The following CCBE1 variants were observed in gnomAD, a reference collection of about 807,000 sequenced individuals.
CCBE1 encodes collagen and calcium binding EGF domains 1.
A neutral mutation model predicts 50.0 loss-of-function variants in CCBE1; 37 were observed. The ratio of observed to expected loss-of-function variants is 0.74; its 90% CI spans 0.57 to 0.97. The LOEUF (loss-of-function observed/expected upper bound fraction) is 0.97, where lower values mean the gene tolerates loss of function less well. Ranked by LOEUF, CCBE1 falls within the 50% of genes least tolerant of loss-of-function variation. The pLI is 0.00. For synonymous variants in CCBE1, 234 were observed against 203.7 expected (o/e 1.15, Z -1.27); for missense variants, 538 against 523.8 (o/e 1.03, Z -0.26).
chr18:59,659,157 C>G (rs533408008), intron 2 of CCBE1, among the ~76,000 whole-genome samples: 1 of 152,314 alleles, frequency 6.6e-6, no homozygotes, highest in East Asian at 1.9e-4. Context: ...TACAAGTACT[C>G]TGACCTCCTT....
intron 3 of CCBE1, among the ~76,000 whole-genome samples, chr18:59,473,864 A>C (rs1912180408): frequency 7.5e-6 from 1 of 132,648 alleles, no homozygotes; most frequent in Admixed American, 8.5e-5. Context: ...TCCCCCGACT[A>C]CTCACCTTCC....
chr18:59,581,781 A>T (rs187052445), intron 2 of CCBE1, among the ~76,000 whole-genome samples: 2 of 152,148 alleles, frequency 1.3e-5, no homozygotes, highest in African/African-American at 4.8e-5. Context: ...CCTGGTATCC[A>T]CCTACTAAAT....
intron 2 of CCBE1, among the ~76,000 whole-genome samples, chr18:59,485,281 G>A (rs569860015): frequency 5.3e-5 from 8 of 152,228 alleles, no homozygotes; most frequent in Admixed American, 3.9e-4. Flanking sequence ...AATAAAAGTC[G>A]TGCAGGCAGA....
intron 10 of CCBE1, 75 bp from the exon 11 acceptor site, chr18:59,436,216 C>A: frequency 7.5e-7 from 1 of 1,324,764 alleles, no homozygotes. Flanking sequence ...ACTTGACCTG[C>A]TGCTTGCTGG....
chr18:59,621,622 C>T (rs1409222642), intron 2 of CCBE1, among the ~76,000 whole-genome samples: 2 of 152,194 alleles, frequency 1.3e-5, no homozygotes, highest in Non-Finnish European at 1.5e-5. Flanking sequence ...CTTCATTTTA[C>T]AGGCGAGCAC....
chr18:59,655,855 C>T (rs960973851), intron 2 of CCBE1, among the ~76,000 whole-genome samples: 7 of 152,214 alleles, frequency 4.6e-5, no homozygotes, highest in Non-Finnish European at 1.0e-4. Context: ...TGCTGCAGCC[C>T]CATCTGAATG....
chr18:59,557,220 C>T (rs893145235), intron 2 of CCBE1, among the ~76,000 whole-genome samples: 2 of 152,208 alleles, frequency 1.3e-5, no homozygotes, highest in Non-Finnish European at 2.9e-5. Context: ...GGGAGACTGG[C>T]ATGGATGCTA....
intron 2 of CCBE1, among the ~76,000 whole-genome samples, chr18:59,519,972 C>T (rs1052511578): frequency 5.3e-5 from 8 of 152,214 alleles, no homozygotes; most frequent in South Asian, 2.1e-4. Context: ...TGTCAAAGAT[C>T]GGATGGTTGT....
chr18:59,566,516 C>T (rs2052830375), intron 2 of CCBE1, among the ~76,000 whole-genome samples: 1 of 152,060 alleles, frequency 6.6e-6, no homozygotes, highest in African/African-American at 2.4e-5. Context: ...TTTAAATCGC[C>T]AGATTTATCC....
rs1459961337 is a variant in CCBE1, at chr18:59,578,972, T to TA, written c.213-98735dup. Among the ~76,000 whole-genome samples the TA allele has an allele frequency of 3.3e-5, 5 of 152,160 alleles. No individual in the cohort carries two copies. The East Asian group carries it at 9.6e-4, about 29-fold the overall frequency. The stretch of plus-strand genomic sequence containing the variant: ...ATAATTTTTTAAAAAAGATACTTTT[T>TA]ATCAGAAAAAAAATGTAAAGACATA... On this transcript the variant is annotated intron_variant, in intron 2 of 10. Transcript: ENST00000439986.
intron 2 of CCBE1, among the ~76,000 whole-genome samples, chr18:59,677,196 AG>A (rs1427099470): frequency 2.0e-5 from 3 of 152,246 alleles, no homozygotes; most frequent in Non-Finnish European, 4.4e-5. Context: ...GGCCTGGACC[AG>A]GATGATGTCG....
intron 2 of CCBE1, among the ~76,000 whole-genome samples, chr18:59,664,812 C>T (rs1011759149): frequency 1.3e-5 from 2 of 152,164 alleles, no homozygotes; most frequent in African/African-American, 4.8e-5. Flanking sequence ...ATTCATGCGA[C>T]TGTCTCATTC....
At position 59,657,523 on chromosome 18, in the gene CCBE1, C is replaced by A. The variant is rs2054207119; in HGVS notation, c.212+39106G>T. ...TTTAAAAAAGAGGATTGCTTTCATT[C>A]ATTCTTGAGTTTTAAGATCATTGAT... is the stretch of plus-strand genomic sequence containing the variant. On this transcript the variant is annotated intron_variant, in intron 2 of 10. Transcript: ENST00000439986. 2.0e-5 allele frequency among the ~76,000 whole-genome samples: 3 copies of A among 152,330 alleles called. 1 individual carries two copies. The highest frequency in any genetic ancestry group is 2.0e-4 in the Admixed American group (3 of 15,310).
intron 2 of CCBE1, among the ~76,000 whole-genome samples, chr18:59,528,431 G>A (rs1034936057): frequency 1.2e-4 from 18 of 152,172 alleles, no homozygotes; most frequent in African/African-American, 4.1e-4. Flanking sequence ...GCTCAGTGAA[G>A]TTCGTTATTA....
At chr18:59,574,440 A>G (rs897865114) in intron 2 of CCBE1, among the ~76,000 whole-genome samples, 7 of 152,244 alleles carry the variant, frequency 4.6e-5, no homozygotes, top group Non-Finnish European at 1.0e-4. Context: ...AACGGGGTCT[A>G]TATCTACAAC....
At chr18:59,493,126 A>G (rs1913187774) in intron 2 of CCBE1, among the ~76,000 whole-genome samples, 1 of 152,334 alleles carries the variant, frequency 6.6e-6, no homozygotes, top group Middle Eastern at 3.4e-3. Flanking sequence ...CACTTGAGAA[A>G]TTAATGGGAC....
rs550528235 is a variant in CCBE1, at chr18:59,545,931, C to T, written c.213-65693G>A. Among the ~76,000 whole-genome samples, 361 of 151,384 alleles carry T rather than the reference C, an allele frequency of 2.4e-3. 2 individuals carry two copies. The highest frequency in any genetic ancestry group is 8.2e-3 in the African/African-American group (335 of 40,794). ...CTCTTTTTCTTCTGAGTCTCAGGTA[C>T]GTCTCTTTGTCAGCAGCGTGAAAAT... On this transcript the variant is annotated intron_variant, in intron 2 of 10. Transcript: ENST00000439986.
At chr18:59,632,666 G>C (rs566394054) in intron 2 of CCBE1, among the ~76,000 whole-genome samples, 1 of 152,120 alleles carries the variant, frequency 6.6e-6, no homozygotes, top group Non-Finnish European at 1.5e-5. Context: ...TTGGCTCACC[G>C]CAACTTCCAA....
intron 2 of CCBE1, among the ~76,000 whole-genome samples, chr18:59,487,663 G>A (rs747094769): frequency 2.0e-5 from 3 of 152,116 alleles, no homozygotes; most frequent in Admixed American, 6.5e-5. Flanking sequence ...TCATCTACAT[G>A]TAAGCTTGTT....
Sources: allele counts gnomAD v4.1 joint callset (sites outside exome capture counted in the v4.1 genomes callset), GRCh38; gene constraint gnomAD v4.1.1; transcripts MANE v1.5; gene names NCBI Gene and HGNC (gene_info 2026-07-23, HGNC 2026-07-21).